The following FNBP4 variants were observed in gnomAD, a reference collection of about 807,000 sequenced individuals.
FNBP4 encodes the protein formin binding protein 4, also known as formin-binding protein 4.
Under a neutral mutation model 119.3 loss-of-function variants are expected in FNBP4, and 34 were observed. The observed-to-expected ratio is 0.28, with a 90% CI of 0.22 to 0.38. The LOEUF is 0.38. Ranked by LOEUF, FNBP4 falls within the 10% of genes least tolerant of loss-of-function variation. The pLI is 1.00. For missense variants in FNBP4, 1,112 were observed against 1,228.9 expected (o/e 0.90, Z 1.42); for synonymous variants, 462 against 430.6 (o/e 1.07, Z -0.90).
intron 9 of FNBP4, among the ~76,000 whole-genome samples, chr11:47,735,536 G>T (rs949807219): frequency 6.6e-6 from 1 of 152,176 alleles, no homozygotes; most frequent in Non-Finnish European, 1.5e-5. Context: ...TTTCACACAG[G>T]AATTAAATCT....
intron 12 of FNBP4, among the ~76,000 whole-genome samples, chr11:47,728,535 A>AT (rs2097563801): frequency 6.6e-6 from 1 of 151,438 alleles, no homozygotes; most frequent in African/African-American, 2.4e-5. Flanking sequence ...GTGAGCTGTA[A>AT]TTTTTCCTTT....
Position 47,732,467 on chromosome 11 carries a change from G to C in FNBP4, c.1820+70C>G. On this transcript the variant is annotated intron_variant, in intron 11 of 16. Transcript: ENST00000263773. The surrounding 1 kb of genome is among the most constrained non-coding windows in gnomAD (Gnocchi z 4.2). Reference sequence around the variant, plus strand: ...CTCCAGACAGGCTGTCATGTCGTCAGATGGTGGTGATCACAAATCATGTCT... The same window carrying C: ...CTCCAGACAGGCTGTCATGTCGTCACATGGTGGTGATCACAAATCATGTCT... 3 of 1,603,744 alleles carry C rather than the reference G, an allele frequency of 1.9e-6. No homozygotes were observed. Among genetic ancestry groups the C allele is most frequent in the Non-Finnish European group, 1.7e-6 (2 of 1,172,760 alleles).
chr11:47,738,847 A>ATTTTTTTTTTTTTTTTTTT (rs71045510), intron 8 of FNBP4, among the ~76,000 whole-genome samples: 3 of 110,988 alleles, frequency 2.7e-5, no homozygotes, highest in Non-Finnish European at 5.7e-5. Context: ...TGCCCAGGTA[A>ATTTTTTTTTTTTTTTTTTT]TTTTTTTTTT....
Position 47,765,376 on chromosome 11 carries a change from AAAG to A in FNBP4, c.221-17_221-15del. The A allele has an allele frequency of 3.1e-6, 3 of 973,984 alleles. No individual in the cohort carries two copies. The highest frequency in any genetic ancestry group is 4.6e-6 in the Non-Finnish European group (3 of 658,040). The allele number at this position is 973,984 out of a possible 1,614,324, so 60.3% of individuals were successfully genotyped here. A position where few individuals can be genotyped will look rare whatever the true frequency, so the allele number is the denominator to read the frequency against. On this transcript the variant is annotated splice_polypyrimidine_tract_variant and intron_variant, in intron 1 of 16. Coordinates refer to ENST00000263773, the MANE Select transcript of FNBP4 (RefSeq NM_015308.5). ...CTTCCTGTTCATCTGGATTAAAAAAAAAGAAAAGAAAAGAAAAGAAAAGAAAAG... is the reference window on the plus strand; with the variant it reads ...CTTCCTGTTCATCTGGATTAAAAAAAAAAAGAAAAGAAAAGAAAAGAAAAG...
chr11:47,725,666 G>A, intron 12 of FNBP4: 1 of 523,332 alleles, frequency 1.9e-6, no homozygotes, highest in Non-Finnish European at 2.5e-6. Context: ...CTTTGTAAAA[G>A]CCATCATTGA....
Position 47,719,576 on chromosome 11 carries a change from A to ATGTGTGTGTG in FNBP4, c.2963+343_2963+352dup, listed in dbSNP as rs66711141. Among the ~76,000 whole-genome samples the ATGTGTGTGTG allele has an allele frequency of 5.0e-3, 733 of 147,790 alleles. 8 individuals are homozygous for ATGTGTGTGTG. Among genetic ancestry groups the ATGTGTGTGTG allele is most frequent in the African/African-American group, 0.017 (689 of 39,794 alleles). ...AAATAAGTTAATATGTTATGTGTGT[A>ATGTGTGTGTG]TGTGTGTGTGTGTGTGTGTGTGTGT... On this transcript the variant is annotated intron_variant, in intron 16 of 16. Transcript: ENST00000263773.
intron 9 of FNBP4, among the ~76,000 whole-genome samples, chr11:47,734,527 C>T (rs1319810598): frequency 6.6e-6 from 1 of 152,054 alleles, no homozygotes; most frequent in Non-Finnish European, 1.5e-5. Context: ...CATCATAATG[C>T]ATTCTAATAC....
At chr11:47,755,320 A>G (rs962860813) in intron 2 of FNBP4, among the ~76,000 whole-genome samples, 3 of 150,890 alleles carry the variant, frequency 2.0e-5, no homozygotes, top group African/African-American at 7.3e-5. Context: ...GTGGTGGCAC[A>G]TGCCTGTAAT....
intron 16 of FNBP4, 45 bp downstream of exon 16, chr11:47,719,884 A>G: frequency 2.5e-6 from 4 of 1,607,508 alleles, no homozygotes; most frequent in Non-Finnish European, 3.4e-6. Context: ...GTAGGTCTCA[A>G]CCTACTCCAA....
chr11:47,751,460 CT>C (rs1316639391), intron 4 of FNBP4, among the ~76,000 whole-genome samples, 170 bp from the exon 5 acceptor site: 1 of 151,948 alleles, frequency 6.6e-6, no homozygotes, highest in Non-Finnish European at 1.5e-5. Context: ...AGCAGCACCC[CT>C]GGCCTCTGCC....
At chr11:47,736,283 G>A (rs1171153055) in intron 9 of FNBP4, among the ~76,000 whole-genome samples, 5 of 150,744 alleles carry the variant, frequency 3.3e-5, no homozygotes, top group Admixed American at 6.6e-5. Flanking sequence ...CGGGCCGGGC[G>A]CAGTGGCTGA....
At chr11:47,761,399 C>A (rs1439001700) in intron 2 of FNBP4, among the ~76,000 whole-genome samples, 1 of 152,082 alleles carries the variant, frequency 6.6e-6, no homozygotes, top group Non-Finnish European at 1.5e-5. Flanking sequence ...TCAAGACCAG[C>A]CTGGCCAAGA....
At chr11:47,745,731 T>C (rs1007601055) in intron 7 of FNBP4, among the ~76,000 whole-genome samples, 2 of 152,154 alleles carry the variant, frequency 1.3e-5, no homozygotes, top group Non-Finnish European at 2.9e-5. Flanking sequence ...CCTACCGATA[T>C]GTGATGTCAC....
At chr11:47,753,124 A>G (rs765387502) in intron 3 of FNBP4, 22 bp from the exon 4 acceptor site, 10 of 1,559,446 alleles carry the variant, frequency 6.4e-6, no homozygotes, top group Non-Finnish European at 8.7e-6. Flanking sequence ...AAAGAGTAAC[A>G]AATGCAGTAA....
intron 12 of FNBP4, chr11:47,730,280 T>C: frequency 4.1e-6 from 4 of 975,016 alleles, no homozygotes; most frequent in Non-Finnish European, 4.9e-6. Context: ...AGAAAATCTC[T>C]TCATGTAAAA....
chr11:47,725,415 C>T (rs1188701812), intron 12 of FNBP4: 1 of 152,220 alleles, frequency 6.6e-6, no homozygotes, highest in Non-Finnish European at 1.5e-5. Flanking sequence ...TTGCAAGGTG[C>T]TACTGTCAAC....
intron 12 of FNBP4, among the ~76,000 whole-genome samples, chr11:47,728,604 T>C (rs2097563870): frequency 6.6e-6 from 1 of 152,256 alleles, no homozygotes; most frequent in East Asian, 1.9e-4. Flanking sequence ...GGTGTGAATA[T>C]AGCTCACTGC....
In FNBP4 at chr11:47,739,051, T is replaced by C. The variant is rs148825359; in HGVS notation, c.1457-2311A>G. On this transcript the variant is annotated intron_variant, in intron 8 of 16. Coordinates refer to ENST00000263773, the MANE Select transcript of FNBP4 (RefSeq NM_015308.5). ...TTACTCTGTTGCCCAGGTGGGAGTA[T>C]AGTGGTATGATCACAGCTTATTGCA... 2.1e-3 allele frequency among the ~76,000 whole-genome samples: 325 copies of C among 151,180 alleles called. 2 individuals are homozygous for C. Among genetic ancestry groups the C allele is most frequent in the African/African-American group, 7.6e-3 (312 of 41,248 alleles).
intron 1 of FNBP4, among the ~76,000 whole-genome samples, chr11:47,766,306 C>T (rs1430557353): frequency 2.0e-5 from 3 of 152,090 alleles, no homozygotes; most frequent in Non-Finnish European, 2.9e-5. Context: ...CAGATTGAGA[C>T]ATTGTCTCGA....
Sources: gnomAD v4.1 joint callset for allele counts (sites outside exome capture counted in the v4.1 genomes callset) on GRCh38, gnomAD v4.1.1 for gene constraint, Gnocchi (gnomAD v3.1) non-coding constraint, MANE v1.5 for transcripts, NCBI Gene and HGNC (gene_info 2026-07-23, HGNC 2026-07-21) for gene names.